RNFT1: variants seen among roughly 807,000 people sequenced by gnomAD.
RNFT1 encodes E3 ubiquitin-protein ligase RNFT1.
In RNFT1, 35 loss-of-function variants were observed where a neutral mutation model predicts 53.2. The ratio of observed to expected loss-of-function variants is 0.66; its 90% confidence interval spans 0.50 to 0.87. The LOEUF (loss-of-function observed/expected upper bound fraction) is 0.87, where lower values mean the gene tolerates loss of function less well. Ranked by LOEUF, RNFT1 falls within the 40% of genes least tolerant of loss-of-function variation. The probability of loss-of-function intolerance (pLI) is 0.00; values close to 1 mark genes in which losing one functional copy is unlikely to be tolerated. For missense variants in RNFT1, 421 were observed against 515.0 expected (o/e 0.82, Z 1.77); for synonymous variants, 141 against 172.8 (o/e 0.82, Z 1.44).
At position 59,957,265 on chromosome 17, in the gene RNFT1, T is replaced by TC; in HGVS notation, c.963dup (p.Ser322GlufsTer52). 2 of 1,613,810 alleles carry TC rather than the reference T, an allele frequency of 1.2e-6. No homozygotes were observed. The highest frequency in any genetic ancestry group is 1.7e-6 in the Non-Finnish European group (2 of 1,179,912). On this transcript the variant is annotated frameshift_variant, in exon 6 of 9. Coordinates refer to ENST00000305783, the MANE Select transcript of RNFT1 (RefSeq NM_016125.4). LOFTEE classifies it high-confidence loss of function. ...AGTAAAGCCAGCAGTATCCCAAGAC[T>TC]CCATCTAGTTACGTTACCAAACTCC...
rs567865858 is a variant in RNFT1 at position 59,964,709 on chromosome 17, G to A, written c.-46C>T. The A allele has an allele frequency of 5.9e-5, 92 of 1,554,308 alleles. No individual in the cohort carries two copies. Among genetic ancestry groups the A allele is most frequent in the Non-Finnish European group, 7.3e-5 (84 of 1,148,528 alleles). On this transcript the variant is annotated 5_prime_UTR_variant, in exon 1 of 9. Transcript: ENST00000305783. The stretch of plus-strand genomic sequence containing the variant: ...GTCGGGGCCATCAACCGCAAACCCC[G>A]CAAGCTCTTCTCTCAGCCCGGCGGC...
chr17:59,962,136 C>T (rs1254569696), intron 3 of RNFT1, among the ~76,000 whole-genome samples: 7 of 151,980 alleles, frequency 4.6e-5, no homozygotes, highest in Non-Finnish European at 7.4e-5. Flanking sequence ...CTGCCCGCCT[C>T]GGCCTCCCAA....
At chr17:59,958,004 A>G (rs2045264863) in intron 5 of RNFT1, among the ~76,000 whole-genome samples, 1 of 152,230 alleles carries the variant, frequency 6.6e-6, no homozygotes. Flanking sequence ...CTGTCAATTG[A>G]TAATGCCCTG....
intron 8 of RNFT1, among the ~76,000 whole-genome samples, 164 bp from the exon 9 acceptor site, chr17:59,953,275 A>C (rs1188793942): frequency 6.6e-6 from 1 of 151,068 alleles, no homozygotes; most frequent in Non-Finnish European, 1.5e-5. Flanking sequence ...GGCTCACTGC[A>C]ACCTCCGCCC....
At chr17:59,961,901 T>TTG (rs1248386168) in intron 3 of RNFT1, among the ~76,000 whole-genome samples, 2 of 148,426 alleles carry the variant, frequency 1.3e-5, no homozygotes, top group Non-Finnish European at 3.0e-5. Context: ...TTTTTTTTTT[T>TTG]TTGAGATGGA....
In RNFT1 at chr17:59,963,189, G is replaced by GTTCC; in HGVS notation, c.148_151dup (p.Thr51ArgfsTer6). The GTTCC allele has an allele frequency of 6.2e-7, 1 of 1,614,192 alleles. No homozygotes were observed. The highest frequency in any genetic ancestry group is 8.5e-7 in the Non-Finnish European group (1 of 1,180,042). ...GGTTGAGGCATCCTCACTGCTTCCA[G>GTTCC]TTCCTGGAGGACTGTGCAGTTGGCT... On this transcript the variant is annotated frameshift_variant, in exon 2 of 9. Transcript: ENST00000305783. LOFTEE classifies it high-confidence loss of function.
intron 2 of RNFT1, 23 bp downstream of exon 2, chr17:59,962,804 G>C: frequency 6.4e-7 from 1 of 1,566,918 alleles, no homozygotes; most frequent in Non-Finnish European, 8.7e-7. Context: ...ATGAAAACAA[G>C]TCAATGTTTT....
intron 7 of RNFT1, among the ~76,000 whole-genome samples, chr17:59,955,841 T>C (rs1268785718): frequency 6.6e-6 from 1 of 152,120 alleles, no homozygotes; most frequent in African/African-American, 2.4e-5. Flanking sequence ...TGACCACACA[T>C]AGGTACTAGG....
chr17:59,955,438 T>A (rs2045247937), intron 7 of RNFT1, among the ~76,000 whole-genome samples: 1 of 152,210 alleles, frequency 6.6e-6, no homozygotes, highest in African/African-American at 2.4e-5. Flanking sequence ...CAAGTATTGA[T>A]GACTGATATC....
At chr17:59,958,704 G>A (rs2045269154) in intron 4 of RNFT1, 1 of 516,296 alleles carries the variant, frequency 1.9e-6, no homozygotes. Flanking sequence ...TTTCTAGCCT[G>A]TAAATGAAAA....
intron 3 of RNFT1, among the ~76,000 whole-genome samples, chr17:59,961,064 T>A (rs2045288564): frequency 6.7e-6 from 1 of 149,632 alleles, no homozygotes; most frequent in Non-Finnish European, 1.5e-5. Context: ...TGAGACTGGG[T>A]CTCACTCTTT....
chr17:59,960,437 C>A lies in RNFT1; in HGVS notation c.592-269G>T, dbSNP rs1456028851. On this transcript the variant is annotated intron_variant, in intron 3 of 8. Coordinates refer to ENST00000305783, the MANE Select transcript of RNFT1 (RefSeq NM_016125.4). ...GTTTCAAAGAAGCCAAGTCTTCTCT[C>A]AAAAAAAAAAAAAAAAAAAGAAAAT... Among the ~76,000 whole-genome samples, 166 of 68,292 alleles carry A rather than the reference C, an allele frequency of 2.4e-3. No individual in the cohort carries two copies. Among genetic ancestry groups the A allele is most frequent in the South Asian group, 3.0e-3 (5 of 1,640 alleles). The allele number at this position is 68,292 out of a possible 152,430, so 44.8% of individuals were successfully genotyped here. A position where few individuals can be genotyped will look rare whatever the true frequency, so the allele number is the denominator to read the frequency against.
At position 59,952,500 on chromosome 17, in the gene RNFT1, T is replaced by A. The variant is rs1172444939; in HGVS notation, c.*477A>T. On this transcript the variant is annotated 3_prime_UTR_variant, in exon 9 of 9. Coordinates refer to ENST00000305783, the MANE Select transcript of RNFT1 (RefSeq NM_016125.4). ...AAATACAACATTTAGAATTTTCATTTAAAAATACAAATTTTATGAAAATAT... is the reference window on the plus strand; with the variant it reads ...AAATACAACATTTAGAATTTTCATTAAAAAATACAAATTTTATGAAAATAT... The A allele has an allele frequency of 6.6e-6, 1 of 152,470 alleles. No homozygotes were observed. Among genetic ancestry groups the A allele is most frequent in the Non-Finnish European group, 1.5e-5 (1 of 68,152 alleles). The allele number at this position is 152,470 out of a possible 1,614,324, so 9.4% of individuals were successfully genotyped here.
intron 3 of RNFT1, among the ~76,000 whole-genome samples, chr17:59,960,660 A>G (rs2045284680): frequency 6.6e-6 from 1 of 151,768 alleles, no homozygotes; most frequent in Admixed American, 6.6e-5. Context: ...AAAAAGTACA[A>G]AAGTTAGCCA....
At position 59,963,217 on chromosome 17, in the gene RNFT1, G is replaced by C. The variant is rs1480020529; in HGVS notation, c.124C>G (p.Arg42Gly). 6 of 1,614,072 alleles carry C rather than the reference G, an allele frequency of 3.7e-6. No individual in the cohort carries two copies. The highest frequency in any genetic ancestry group is 5.1e-6 in the Non-Finnish European group (6 of 1,180,020). The change falls in exon 2 of 9, where the codon CGT becomes GGT. Residue 42 changes from arginine (R) to glycine (G), a missense_variant. Physicochemically the swap from Arg to Gly is moderately radical, Grantham distance 125 (BLOSUM62 -2). Transcript: ENST00000305783. ...KKYLRAMQAN[R>G]SQLHSPPGTG... is the part of the protein sequence containing the mutation. ...CCTGGAGGACTGTGCAGTTGGCTAC[G>C]ATTGGCTTGCATGGCCCTTAAATAC... is the stretch of plus-strand genomic sequence containing the variant.
intron 7 of RNFT1, among the ~76,000 whole-genome samples, chr17:59,954,375 A>G (rs1404660952): frequency 1.3e-5 from 2 of 152,230 alleles, no homozygotes; most frequent in Non-Finnish European, 2.9e-5. Flanking sequence ...TGTTAGATCT[A>G]CTAGCTTTAC....
intron 1 of RNFT1, 104 bp from the exon 2 acceptor site, chr17:59,963,388 C>T: frequency 2.1e-6 from 2 of 939,154 alleles, no homozygotes; most frequent in Non-Finnish European, 3.2e-6. Context: ...AGCAAATAAT[C>T]ACAACAGATG....
rs1304740430 is a variant in RNFT1 at position 59,955,207 on chromosome 17, T to C, written c.1072-1061A>G. Among the ~76,000 whole-genome samples, 4 of 152,274 alleles carry C rather than the reference T, an allele frequency of 2.6e-5. No homozygotes were observed. In the East Asian group the frequency reaches 7.7e-4, roughly 29 times the overall value. ...ACTCAAAGGATAAAGATATTAAAAA[T>C]TGAGGTTTTTTGAAACTGGTAATAA... is the stretch of plus-strand genomic sequence containing the variant. On this transcript the variant is annotated intron_variant, in intron 7 of 8. Coordinates refer to ENST00000305783, the MANE Select transcript of RNFT1 (RefSeq NM_016125.4).
chr17:59,964,665 C>T lies in RNFT1; in HGVS notation c.-2G>A. 6.2e-7 allele frequency: 1 copy of T among 1,605,810 alleles called. No homozygotes were observed. Among genetic ancestry groups the T allele is most frequent in the South Asian group, 1.1e-5 (1 of 89,582 alleles). ...GAGCGACAGCAAGAACAGCGGCATACACCGCCTCCAGCCCTTCAGTCGGGG... is the reference window on the plus strand; with the variant it reads ...GAGCGACAGCAAGAACAGCGGCATATACCGCCTCCAGCCCTTCAGTCGGGG... On this transcript the variant is annotated 5_prime_UTR_variant, in exon 1 of 9. Transcript: ENST00000305783.
Sources: allele counts gnomAD v4.1 joint callset (sites outside exome capture counted in the v4.1 genomes callset), GRCh38; gene constraint gnomAD v4.1.1; transcripts MANE v1.5; gene names NCBI Gene and HGNC (gene_info 2026-07-23, HGNC 2026-07-21).